The following HS3ST4 variants were observed in gnomAD, a reference collection of about 807,000 sequenced individuals.
The protein encoded by HS3ST4 is heparan sulfate glucosamine 3-O-sulfotransferase 4.
Under a neutral mutation model 29.2 loss-of-function variants are expected in HS3ST4, and 17 were observed. The ratio of observed to expected loss-of-function variants is 0.58; its 90% CI spans 0.40 to 0.87. The LOEUF is 0.87. HS3ST4 is among the 40% of genes least tolerant of loss of function. HS3ST4 has a pLI of 0.00. For missense variants in HS3ST4, 627 were observed against 634.5 expected, an observed-to-expected ratio of 0.99 and a Z score of 0.13; for synonymous variants, 314 against 285.7, an observed-to-expected ratio of 1.10 and a Z score of -1.00.
intron 1 of HS3ST4, among the ~76,000 whole-genome samples, chr16:25,905,884 G>T (rs1968174868): frequency 6.6e-6 from 1 of 152,202 alleles, no homozygotes; most frequent in Admixed American, 6.5e-5. Context: ...CATCAGGGCA[G>T]GTTTCATTCC....
chr16:25,872,512 T>C (rs1391065801), intron 1 of HS3ST4, among the ~76,000 whole-genome samples: 3 of 152,218 alleles, frequency 2.0e-5, no homozygotes, highest in African/African-American at 7.2e-5. Flanking sequence ...CCCATTCATG[T>C]TTGGCAGTTA....
chr16:25,776,781 C>G (rs1415981941), intron 1 of HS3ST4, among the ~76,000 whole-genome samples: 1 of 152,166 alleles, frequency 6.6e-6, no homozygotes, highest in Non-Finnish European at 1.5e-5. Context: ...TTTCCTTGTT[C>G]CATCTTTTCT....
intron 1 of HS3ST4, among the ~76,000 whole-genome samples, chr16:25,917,261 G>A (rs1044864098): frequency 5.3e-5 from 8 of 152,080 alleles, no homozygotes; most frequent in African/African-American, 1.7e-4. Context: ...CACCCAGGCC[G>A]GAGTGCAGTG....
At chr16:25,760,559 C>T (rs1030582750) in intron 1 of HS3ST4, among the ~76,000 whole-genome samples, 1 of 151,872 alleles carries the variant, frequency 6.6e-6, no homozygotes, top group African/African-American at 2.4e-5. Context: ...GCTAGGATTA[C>T]AGGCACCTGC....
At chr16:25,883,482 A>C (rs922162560) in intron 1 of HS3ST4, among the ~76,000 whole-genome samples, 21 of 152,182 alleles carry the variant, frequency 1.4e-4, no homozygotes, top group African/African-American at 4.8e-4. Flanking sequence ...ATAAATAAAT[A>C]AACTACATCA....
intron 1 of HS3ST4, among the ~76,000 whole-genome samples, chr16:25,953,227 T>A (rs1347511537): frequency 6.6e-6 from 1 of 152,128 alleles, no homozygotes; most frequent in Non-Finnish European, 1.5e-5. Context: ...CAAGGTGTGA[T>A]GGCTTCAGGG....
intron 1 of HS3ST4, among the ~76,000 whole-genome samples, chr16:25,709,429 T>C (rs1966401144): frequency 6.6e-6 from 1 of 152,162 alleles, no homozygotes; most frequent in Non-Finnish European, 1.5e-5. Flanking sequence ...CTGGATCTGG[T>C]TATCAAAGAC....
At chr16:25,788,544 CTTT>C (rs565611368) in intron 1 of HS3ST4, among the ~76,000 whole-genome samples, 1 of 123,570 alleles carries the variant, frequency 8.1e-6, no homozygotes, top group Non-Finnish European at 1.6e-5. Flanking sequence ...TTTCTTCTTT[CTTT>C]TTTTTTTTTT....
intron 1 of HS3ST4, among the ~76,000 whole-genome samples, chr16:26,023,235 A>AT (rs1969432740): frequency 6.6e-6 from 1 of 152,168 alleles, no homozygotes; most frequent in East Asian, 1.9e-4. Context: ...TTACTTTCCC[A>AT]TAAAACTATT....
At chr16:25,893,449 A>G (rs1968030051) in intron 1 of HS3ST4, among the ~76,000 whole-genome samples, 1 of 152,150 alleles carries the variant, frequency 6.6e-6, no homozygotes, top group Non-Finnish European at 1.5e-5. Flanking sequence ...GCCACATTCA[A>G]ATCTGTGGAC....
intron 1 of HS3ST4, among the ~76,000 whole-genome samples, chr16:25,779,903 C>T (rs907719636): frequency 6.6e-6 from 1 of 152,176 alleles, no homozygotes; most frequent in African/African-American, 2.4e-5. Context: ...CATCTTGGCA[C>T]GCTGCGGATT....
intron 1 of HS3ST4, among the ~76,000 whole-genome samples, chr16:25,740,342 A>G (rs912707226): frequency 2.0e-5 from 3 of 152,190 alleles, no homozygotes; most frequent in African/African-American, 4.8e-5. Flanking sequence ...AGAAAAAAAG[A>G]TAGTTTGAGA....
chr16:25,970,485 A>G (rs1567284241), intron 1 of HS3ST4, among the ~76,000 whole-genome samples: 1 of 152,106 alleles, frequency 6.6e-6, no homozygotes, highest in Non-Finnish European at 1.5e-5. Context: ...ATTTCATTCA[A>G]TCATTCACTC....
rs531239068 is a variant in HS3ST4, at chr16:25,920,783, T to A, written c.735-214829T>A. On this transcript the variant is annotated intron_variant, in intron 1 of 1. Coordinates refer to ENST00000331351, the MANE Select transcript of HS3ST4 (RefSeq NM_006040.3). The stretch of plus-strand genomic sequence containing the variant: ...TGCCTGGCTGATTTTTGTGTTCTAT[T>A]TTTTTTGGTGCAGACAGGGTGACAG... Among the ~76,000 whole-genome samples the A allele has an allele frequency of 1.6e-4, 25 of 151,552 alleles. No homozygotes were observed. In the South Asian group the frequency reaches 2.9e-3, roughly 18 times the overall value.
chr16:25,847,633 T>C (rs1967479241), intron 1 of HS3ST4, among the ~76,000 whole-genome samples: 2 of 152,224 alleles, frequency 1.3e-5, no homozygotes, highest in African/African-American at 4.8e-5. Context: ...AGATTTTTGC[T>C]AATACTCTTT....
intron 1 of HS3ST4, among the ~76,000 whole-genome samples, chr16:25,950,517 A>G (rs1257370574): frequency 6.6e-6 from 1 of 152,086 alleles, no homozygotes; most frequent in Non-Finnish European, 1.5e-5. Context: ...GAATGAATGA[A>G]TGGTTAAGTG....
At chr16:25,831,856 G>A (rs4608340) in intron 1 of HS3ST4, among the ~76,000 whole-genome samples, 151,836 of 152,252 alleles carry the variant, frequency 1, 75,712 homozygotes, top group East Asian at 1. Flanking sequence ...CTATAATCCC[G>A]GCCCTTTGAG....
intron 1 of HS3ST4, among the ~76,000 whole-genome samples, chr16:26,084,713 A>G (rs13339557): frequency 0.034 from 5,178 of 152,120 alleles, 281 homozygotes; most frequent in African/African-American, 0.11. Context: ...GGCGCAAACC[A>G]AGCTAGGACT....
At chr16:25,756,692 AAAT>A (rs1966760642) in intron 1 of HS3ST4, among the ~76,000 whole-genome samples, 1 of 152,228 alleles carries the variant, frequency 6.6e-6, no homozygotes, top group Admixed American at 6.5e-5. Flanking sequence ...TTGTTGATAA[AAAT>A]GATCCCTGTG....
Sources: allele counts gnomAD v4.1 joint callset (sites outside exome capture counted in the v4.1 genomes callset), GRCh38; gene constraint gnomAD v4.1.1; transcripts MANE v1.5; gene names NCBI Gene and HGNC (gene_info 2026-07-23, HGNC 2026-07-21).